Variants in CSMD1 observed in about 807,000 individuals in gnomAD.
CSMD1 encodes the protein CUB and sushi domain-containing protein 1.
CSMD1 carries 213 observed loss-of-function variants against 417.5 expected under a neutral mutation model. The observed-to-expected ratio is 0.51, with a 90% CI of 0.46 to 0.57. The LOEUF is 0.57. CSMD1 is among the 20% of genes least tolerant of loss of function. CSMD1 has a pLI of 0.00. For missense variants in CSMD1, 6,923 were observed against 4,529.7 expected (o/e 1.53, Z -15.17); for synonymous variants, 2,862 against 1,736.8 (o/e 1.65, Z -16.11).
intron 3 of CSMD1, among the ~76,000 whole-genome samples, chr8:4,354,791 A>C (rs77761436): frequency 2.0e-5 from 3 of 152,062 alleles, no homozygotes; most frequent in Admixed American, 6.5e-5. Flanking sequence ...AAATGAAAGC[A>C]AAAAGTTTAT....
intron 1 of CSMD1, among the ~76,000 whole-genome samples, chr8:4,923,436 T>A (rs535156862): frequency 6.6e-6 from 1 of 152,282 alleles, no homozygotes; most frequent in South Asian, 2.1e-4. Flanking sequence ...GGATATACAT[T>A]CTCCATGGTG....
chr8:4,125,855 C>T (rs979809521), intron 3 of CSMD1, among the ~76,000 whole-genome samples: 1 of 152,142 alleles, frequency 6.6e-6, no homozygotes. Flanking sequence ...CTTTGCAGGA[C>T]TAACAAATTA....
At chr8:3,962,361 G>T (rs768761006) in intron 5 of CSMD1, among the ~76,000 whole-genome samples, 1 of 152,144 alleles carries the variant, frequency 6.6e-6, no homozygotes, top group Non-Finnish European at 1.5e-5. Context: ...CAGTGCACTA[G>T]AGCAGAGTCA....
In CSMD1 at chr8:4,803,685, A is replaced by C. The variant is rs187028173; in HGVS notation, c.86-166127T>G. On this transcript the variant is annotated intron_variant, in intron 1 of 69. Transcript: ENST00000635120. ...AAAACATATCAGTAAAATAAAGTTA[A>C]GCTCATTTCTGCTTTTTTCCACGAA... Among the ~76,000 whole-genome samples the C allele has an allele frequency of 2.4e-3, 359 of 152,326 alleles. 1 individual carries two copies. The highest frequency in any genetic ancestry group is 5.7e-3 in the Admixed American group (87 of 15,314).
chr8:4,634,873 A>G (rs939544106), intron 2 of CSMD1, among the ~76,000 whole-genome samples: 18 of 152,190 alleles, frequency 1.2e-4, no homozygotes, highest in African/African-American at 4.3e-4. Flanking sequence ...TTGTAATAGT[A>G]GAGACCTGTA....
intron 42 of CSMD1, among the ~76,000 whole-genome samples, chr8:3,110,900 T>C (rs17079384): frequency 0.052 from 7,891 of 152,282 alleles, 681 homozygotes; most frequent in African/African-American, 0.18. Context: ...TTCAATGACT[T>C]GAAGAACTAA....
intron 16 of CSMD1, among the ~76,000 whole-genome samples, chr8:3,396,761 T>C (rs961525135): frequency 6.6e-6 from 1 of 152,128 alleles, no homozygotes; most frequent in Non-Finnish European, 1.5e-5. Context: ...TTTTAAACTA[T>C]TTTTACCATT....
chr8:4,525,795 G>A (rs1205092254), intron 2 of CSMD1, among the ~76,000 whole-genome samples: 2 of 152,136 alleles, frequency 1.3e-5, no homozygotes, highest in Non-Finnish European at 2.9e-5. Context: ...ACAGGGACAT[G>A]TCAATTACTA....
chr8:3,941,646 C>G (rs984200001), intron 5 of CSMD1, among the ~76,000 whole-genome samples: 2 of 152,048 alleles, frequency 1.3e-5, no homozygotes, highest in South Asian at 2.1e-4. Flanking sequence ...AAATTAAACT[C>G]TTTTTCAACT....
At chr8:3,599,671 T>C (rs1434176501) in intron 8 of CSMD1, among the ~76,000 whole-genome samples, 1 of 152,226 alleles carries the variant, frequency 6.6e-6, no homozygotes, top group Non-Finnish European at 1.5e-5. Flanking sequence ...CTTTATGCCT[T>C]TAACAACATC....
At chr8:3,940,959 T>C (rs544662008) in intron 5 of CSMD1, among the ~76,000 whole-genome samples, 3 of 151,862 alleles carry the variant, frequency 2.0e-5, no homozygotes, top group Non-Finnish European at 4.4e-5. Context: ...TATGTCCAAA[T>C]TGTCATTTAC....
chr8:3,800,653 C>G (rs1800404442), intron 5 of CSMD1, among the ~76,000 whole-genome samples: 2 of 152,214 alleles, frequency 1.3e-5, no homozygotes, highest in South Asian at 2.1e-4. Flanking sequence ...AGACAGAACC[C>G]TCATGAACGG....
At chr8:3,936,174 T>C (rs1466152404) in intron 5 of CSMD1, among the ~76,000 whole-genome samples, 1 of 86,630 alleles carries the variant, frequency 1.2e-5, no homozygotes, top group Non-Finnish European at 2.4e-5. Context: ...TGTCAGTTCA[T>C]AGGGTTTAAG....
At chr8:4,248,067 T>A (rs2128828485) in intron 3 of CSMD1, among the ~76,000 whole-genome samples, 1 of 152,332 alleles carries the variant, frequency 6.6e-6, no homozygotes, top group South Asian at 2.1e-4. Flanking sequence ...GAATGGAAAT[T>A]GTTAAGGAAC....
chr8:3,920,408 A>T (rs1194622757), intron 5 of CSMD1, among the ~76,000 whole-genome samples: 1 of 151,772 alleles, frequency 6.6e-6, no homozygotes, highest in East Asian at 1.9e-4. Flanking sequence ...GTTCTTTTCT[A>T]AGACTGTAAC....
chr8:3,450,777 G>A (rs1018026637), intron 12 of CSMD1, among the ~76,000 whole-genome samples: 9 of 152,028 alleles, frequency 5.9e-5, no homozygotes, highest in Admixed American at 1.3e-4. Context: ...GTAAACATAC[G>A]TGTGCATGTG....
At chr8:3,518,490 G>A (rs1032783329) in intron 10 of CSMD1, among the ~76,000 whole-genome samples, 2 of 152,134 alleles carry the variant, frequency 1.3e-5, no homozygotes, top group East Asian at 3.9e-4. Context: ...CTCATTGGTA[G>A]ACTCAACAAA....
At chr8:3,663,875 C>A (rs1019438383) in intron 7 of CSMD1, among the ~76,000 whole-genome samples, 1 of 152,126 alleles carries the variant, frequency 6.6e-6, no homozygotes, top group South Asian at 2.1e-4. Flanking sequence ...GTGTCACAGG[C>A]GCAACCTCAA....
chr8:3,730,737 T>C (rs557213543), intron 6 of CSMD1, among the ~76,000 whole-genome samples: 1 of 152,182 alleles, frequency 6.6e-6, no homozygotes, highest in Non-Finnish European at 1.5e-5. Flanking sequence ...TTATTCACAG[T>C]TCTATGCAGA....
Sources: gnomAD v4.1 joint callset for allele counts (sites outside exome capture counted in the v4.1 genomes callset) on GRCh38, gnomAD v4.1.1 for gene constraint, MANE v1.5 for transcripts, NCBI Gene and HGNC (gene_info 2026-07-23, HGNC 2026-07-21) for gene names.